COPE: variants seen among roughly 807,000 people sequenced by gnomAD.
COPE encodes the protein coat protein complex I subunit epsilon.
Under a neutral mutation model 42.1 loss-of-function variants are expected in COPE, and 19 were observed. The ratio of observed to expected loss-of-function variants is 0.45; its 90% CI spans 0.31 to 0.66. The LOEUF is 0.66. COPE is among the 30% of genes least tolerant of loss of function. COPE has a pLI of 0.05. For synonymous variants in COPE, 195 were observed against 181.3 expected, an observed-to-expected ratio of 1.08 and a Z score of -0.60; for missense variants, 402 against 416.1, an observed-to-expected ratio of 0.97 and a Z score of 0.30.
chr19:18,903,285 G>A lies in COPE; in HGVS notation c.718C>T (p.Gln240Ter), dbSNP rs2146101823. The change falls in exon 7 of 10, where the codon CAG becomes TAG. Residue 240 changes from glutamine (Q) to a stop codon, truncating the protein, a stop_gained. Transcript: ENST00000262812. LOFTEE classifies it high-confidence loss of function. Reference sequence around the variant, plus strand: ...GTGCCTACCTTGTCTAGCGCCTCCTGCAGCAGGCCCTCAGCGGCCTCCCAG... The same window carrying A: ...GTGCCTACCTTGTCTAGCGCCTCCTACAGCAGGCCCTCAGCGGCCTCCCAG... ...GRWEAAEGLL[Q>*]EALDKDSGYP... 2 of 1,599,220 alleles carry A rather than the reference G, an allele frequency of 1.3e-6. No individual in the cohort carries two copies. The highest frequency in any genetic ancestry group is 2.2e-5 in the East Asian group (1 of 44,502).
rs1371361633 is a variant in COPE at position 18,910,963 on chromosome 19, G to A, written c.290+8C>T. The A allele has an allele frequency of 1.2e-6, 2 of 1,613,116 alleles. No homozygotes were observed. The highest frequency in any genetic ancestry group is 2.7e-5 in the African/African-American group (2 of 74,924). ...CGCCTCAGGCCAACCCATTCTCTGG[G>A]GCCTCACCTCCGACTCTCGTGGGCG... On this transcript the variant is annotated splice_region_variant and intron_variant, in intron 3 of 9. Transcript: ENST00000262812.
In COPE at chr19:18,899,733, C is replaced by T. The variant is rs2056677833; in HGVS notation, c.880-7G>A. On this transcript the variant is annotated splice_polypyrimidine_tract_variant and splice_region_variant and intron_variant, in intron 9 of 9. Transcript: ENST00000262812. Reference sequence around the variant, plus strand: ...GCCTGTCAAAGTCGTTCTCCTTTAGCAAGACACATGGCAACACAGGGTGGG... The same window carrying T: ...GCCTGTCAAAGTCGTTCTCCTTTAGTAAGACACATGGCAACACAGGGTGGG... 1.2e-6 allele frequency: 2 copies of T among 1,613,650 alleles called. No homozygotes were observed. The highest frequency in any genetic ancestry group is 1.7e-6 in the Non-Finnish European group (2 of 1,179,972).
intron 2 of COPE, among the ~76,000 whole-genome samples, chr19:18,912,712 G>A (rs1328021641): frequency 5.4e-5 from 8 of 148,390 alleles, no homozygotes; most frequent in East Asian, 4.0e-4. Context: ...AGCTGAGATC[G>A]AGTACGACAG....
chr19:18,908,913 A>C (rs1483504974), intron 3 of COPE, among the ~76,000 whole-genome samples: 1 of 152,104 alleles, frequency 6.6e-6, no homozygotes, highest in Non-Finnish European at 1.5e-5. Context: ...TGGGATGATC[A>C]CTTGAGCCTG....
intron 4 of COPE, 63 bp from the exon 5 acceptor site, chr19:18,905,692 C>G (rs753457343): frequency 6.6e-7 from 1 of 1,507,476 alleles, no homozygotes; most frequent in Non-Finnish European, 9.0e-7. Context: ...GGCCGCTCCA[C>G]ACCCAGGGCT....
At chr19:18,904,667 G>T in intron 6 of COPE, 104 bp downstream of exon 6, 1 of 971,422 alleles carries the variant, frequency 1.0e-6, no homozygotes, top group Non-Finnish European at 1.6e-6. Context: ...TGATCCTGGA[G>T]CCCCACTGGA....
chr19:18,918,088 G>A (rs1252670451), intron 1 of COPE, among the ~76,000 whole-genome samples: 2 of 148,558 alleles, frequency 1.3e-5, no homozygotes, highest in African/African-American at 2.5e-5. Flanking sequence ...TACTCGAGAG[G>A]CTGAGAAAGG....
At chr19:18,915,782 C>T (rs976281608) in intron 1 of COPE, among the ~76,000 whole-genome samples, 1 of 152,236 alleles carries the variant, frequency 6.6e-6, no homozygotes, top group Non-Finnish European at 1.5e-5. Flanking sequence ...TCTGACCGCA[C>T]TGGGCCGTCA....
At position 18,907,071 on chromosome 19, in the gene COPE, C is replaced by T. The variant is rs748804645; in HGVS notation, c.332G>A (p.Ser111Asn). The T allele has an allele frequency of 9.3e-6, 15 of 1,611,256 alleles. No individual in the cohort carries two copies. The change falls in exon 4 of 10, where the codon AGC becomes AAC. Residue 111 changes from serine (S) to asparagine (N), a missense_variant. Ser to Asn is a conservative substitution (Grantham distance 46, BLOSUM62 1). Transcript: ENST00000262812. ...GAAGGTGGTGTTGGTCACGTCCACG[C>T]TCCTGCTCATCTCTCGGTCCAGCTC... ...VAELDREMSR[S>N]VDVTNTTFLL...
chr19:18,912,275 T>A (rs760554243), intron 2 of COPE, among the ~76,000 whole-genome samples: 1 of 152,086 alleles, frequency 6.6e-6, no homozygotes, highest in Non-Finnish European at 1.5e-5. Context: ...GCCTCCCAAT[T>A]AGCTGGGACT....
At chr19:18,906,282 C>A in intron 4 of COPE, 1 of 249,140 alleles carries the variant, frequency 4.0e-6, no homozygotes, top group Non-Finnish European at 7.6e-6. Flanking sequence ...CTCCACCTCC[C>A]AGACTCAAGG....
At position 18,919,231 on chromosome 19, in the gene COPE, G is replaced by T; in HGVS notation, c.118C>A (p.Arg40=). 1 of 1,611,728 alleles carries T rather than the reference G, an allele frequency of 6.2e-7. No individual in the cohort carries two copies. The highest frequency in any genetic ancestry group is 8.5e-7 in the Non-Finnish European group (1 of 1,178,842). Residue 40 remains arginine (R), a synonymous_variant, in exon 1 of 10, where the codon CGG becomes AGG. Transcript: ENST00000262812. ...SYQQCINEAQ[R]VKLSSPERDV... is the part of the protein sequence containing the mutation. ...CCCCTGCGCGGCCGCACCTTCACCC[G>T]CTGCGCCTCGTTTATGCACTGCTGG...
At chr19:18,917,246 T>TC (rs984183234) in intron 1 of COPE, among the ~76,000 whole-genome samples, 2 of 149,106 alleles carry the variant, frequency 1.3e-5, no homozygotes, top group African/African-American at 4.9e-5. Flanking sequence ...TTTTTCTTTT[T>TC]TTTTTTTTTT....
intron 1 of COPE, among the ~76,000 whole-genome samples, chr19:18,916,679 T>C (rs561123438): frequency 6.6e-6 from 1 of 150,818 alleles, no homozygotes; most frequent in Non-Finnish European, 1.5e-5. Context: ...TCCCAGCTAC[T>C]AGGGAGGCTG....
At position 18,899,606 on chromosome 19, in the gene COPE, G is replaced by C; in HGVS notation, c.*73C>G. The C allele has an allele frequency of 6.5e-7, 1 of 1,545,740 alleles. No individual in the cohort carries two copies. Among genetic ancestry groups the C allele is most frequent in the Non-Finnish European group, 8.9e-7 (1 of 1,120,782 alleles). On this transcript the variant is annotated 3_prime_UTR_variant, in exon 10 of 10. Coordinates refer to ENST00000262812, the MANE Select transcript of COPE (RefSeq NM_007263.4). ...CCCAGAGGGGATGCAGGTGGATGCC[G>C]GGTGGGGAGGGCTGCAGGGCTGGCT...
At chr19:18,903,146 C>T (rs2056724533) in intron 7 of COPE, 122 bp downstream of exon 7, 1 of 1,023,348 alleles carries the variant, frequency 9.8e-7, no homozygotes, top group Non-Finnish European at 1.3e-6. Context: ...GCCTTAGAAG[C>T]CCTGTGGGGC....
chr19:18,907,228 C>T (rs535193620), intron 3 of COPE, 116 bp from the exon 4 acceptor site: 1,233 of 1,105,818 alleles, frequency 1.1e-3, no homozygotes, highest in Non-Finnish European at 1.4e-3. Context: ...CCTGGGGGTG[C>T]AGAGCAGCAG....
At chr19:18,907,864 G>A (rs1011838317) in intron 3 of COPE, among the ~76,000 whole-genome samples, 2 of 152,342 alleles carry the variant, frequency 1.3e-5, no homozygotes, top group East Asian at 1.9e-4. Flanking sequence ...CCCAGGGCCC[G>A]TGTCTGAGGT....
chr19:18,909,268 G>A (rs571330612), intron 3 of COPE, among the ~76,000 whole-genome samples: 4 of 152,352 alleles, frequency 2.6e-5, no homozygotes, highest in African/African-American at 7.2e-5. Context: ...CAATGTCCTG[G>A]AGCTGCTGTG....
Sources: allele counts gnomAD v4.1 joint callset (sites outside exome capture counted in the v4.1 genomes callset), GRCh38; gene constraint gnomAD v4.1.1; transcripts MANE v1.5; gene names NCBI Gene and HGNC (gene_info 2026-07-23, HGNC 2026-07-21).